The following ERC2 variants were observed in gnomAD, a reference collection of about 807,000 sequenced individuals.
ERC2 encodes ERC protein 2.
A neutral mutation model predicts 114.8 loss-of-function variants in ERC2; 42 were observed. That is an observed-to-expected ratio of 0.37 (90% confidence interval 0.29 to 0.47). ERC2 has a LOEUF of 0.47. Ranked by LOEUF, ERC2 falls within the 20% of genes least tolerant of loss-of-function variation. ERC2 has a pLI of 0.99. For missense variants in ERC2, 939 were observed against 1,150.7 expected (o/e 0.82, Z 2.66); for synonymous variants, 454 against 425.5 (o/e 1.07, Z -0.82).
At chr3:55,932,639 G>T (rs530940533) in intron 13 of ERC2, among the ~76,000 whole-genome samples, 2 of 152,062 alleles carry the variant, frequency 1.3e-5, no homozygotes, top group South Asian at 2.1e-4. Flanking sequence ...TTCCTTTCTG[G>T]TACCCCTTAA....
At chr3:56,406,627 T>C (rs1023869645) in intron 2 of ERC2, among the ~76,000 whole-genome samples, 11 of 152,192 alleles carry the variant, frequency 7.2e-5, no homozygotes, top group African/African-American at 2.7e-4. Flanking sequence ...CATTTTACAC[T>C]GAGTCTTGCA....
At chr3:56,429,006 T>C (rs1227626161) in intron 2 of ERC2, among the ~76,000 whole-genome samples, 1 of 152,176 alleles carries the variant, frequency 6.6e-6, no homozygotes, top group African/African-American at 2.4e-5. Flanking sequence ...GTGTACCTAA[T>C]TTGGAAGAAA....
chr3:56,164,266 C>G, intron 4 of ERC2, among the ~76,000 whole-genome samples: 1 of 151,924 alleles, frequency 6.6e-6, no homozygotes, highest in East Asian at 1.9e-4. Flanking sequence ...TCCTCCTTCC[C>G]CCTAGCTCCT....
chr3:56,129,157 G>T (rs926780697), intron 6 of ERC2, among the ~76,000 whole-genome samples: 1 of 152,114 alleles, frequency 6.6e-6, no homozygotes, highest in South Asian at 2.1e-4. Context: ...TGTCTGCATG[G>T]AATAAATATC....
chr3:56,033,026 G>GA (rs1560058110), intron 7 of ERC2, among the ~76,000 whole-genome samples: 54 of 47,650 alleles, frequency 1.1e-3, no homozygotes, highest in Middle Eastern at 9.6e-3. Context: ...AAAGAAAAAA[G>GA]AAACAGAAAG....
chr3:55,572,051 C>T (rs930598540), intron 17 of ERC2, among the ~76,000 whole-genome samples: 5 of 152,226 alleles, frequency 3.3e-5, no homozygotes, highest in African/African-American at 1.2e-4. Context: ...GTCTGTGCAG[C>T]CCAGGAAGGC....
At chr3:56,085,298 G>A (rs2077445993) in intron 6 of ERC2, among the ~76,000 whole-genome samples, 1 of 152,214 alleles carries the variant, frequency 6.6e-6, no homozygotes, top group Admixed American at 6.5e-5. Flanking sequence ...CTGCTCCAGT[G>A]AGAAGGATGA....
chr3:55,874,894 G>A (rs1559799275), intron 14 of ERC2, among the ~76,000 whole-genome samples: 1 of 152,154 alleles, frequency 6.6e-6, no homozygotes, highest in Non-Finnish European at 1.5e-5. Flanking sequence ...CTACAGTCAT[G>A]GAGAGAAGCT....
At chr3:56,251,529 T>C (rs1348647259) in intron 3 of ERC2, among the ~76,000 whole-genome samples, 1 of 152,162 alleles carries the variant, frequency 6.6e-6, no homozygotes, top group Non-Finnish European at 1.5e-5. Context: ...ATAAATCTCA[T>C]TCAAGGCTGC....
rs951566856 is a variant in ERC2, at chr3:55,510,494, T to A, written c.*822A>T. The A allele has an allele frequency of 6.6e-6, 1 of 152,608 alleles. No homozygotes were observed. The highest frequency in any genetic ancestry group is 1.5e-5 in the Non-Finnish European group (1 of 68,034). The allele number at this position is 152,608 out of a possible 1,614,324, so 9.5% of individuals were successfully genotyped here. On this transcript the variant is annotated 3_prime_UTR_variant, in exon 18 of 18. Coordinates refer to ENST00000288221, the MANE Select transcript of ERC2 (RefSeq NM_015576.3). ...GCCTCAGACTTTTGCCACTCTCCAGTACATGACTGGGTAGATAAAATTATG... is the reference window on the plus strand; with the variant it reads ...GCCTCAGACTTTTGCCACTCTCCAGAACATGACTGGGTAGATAAAATTATG...
intron 15 of ERC2, among the ~76,000 whole-genome samples, chr3:55,722,720 C>T (rs1421450179): frequency 6.6e-6 from 1 of 152,056 alleles, no homozygotes; most frequent in African/African-American, 2.4e-5. Context: ...CTTTCCATGC[C>T]CACCTAAGTT....
intron 16 of ERC2, among the ~76,000 whole-genome samples, chr3:55,690,101 C>A (rs2062561271): frequency 1.3e-5 from 2 of 152,114 alleles, no homozygotes; most frequent in South Asian, 4.2e-4. Context: ...CTGGGCTGTT[C>A]AAAATTGACA....
In ERC2 at chr3:55,676,539, T is replaced by G. The variant is rs754218507; in HGVS notation, c.*39+7255A>C. 1.1e-4 allele frequency among the ~76,000 whole-genome samples: 17 copies of G among 152,032 alleles called. No individual in the cohort carries two copies. In the Middle Eastern group the frequency reaches 0.014, roughly 122 times the overall value. On this transcript the variant is annotated intron_variant, in intron 17 of 17. Transcript: ENST00000288221. ...TGGTATCTGTGTCTCAGATTAATTT[T>G]CACCAGATGTGAGTGTCTGGACTTC...
At chr3:55,656,341 G>T (rs1323716767) in intron 17 of ERC2, among the ~76,000 whole-genome samples, 10 of 151,858 alleles carry the variant, frequency 6.6e-5, no homozygotes, top group African/African-American at 2.2e-4. Flanking sequence ...ATTTTTTGTA[G>T]AGCTGGGAGT....
chr3:56,455,430 T>C (rs2063020954), intron 1 of ERC2, among the ~76,000 whole-genome samples: 1 of 152,148 alleles, frequency 6.6e-6, no homozygotes, highest in Non-Finnish European at 1.5e-5. Flanking sequence ...CACCATCTAT[T>C]GGCTGCCTTC....
chr3:55,664,081 A>C (rs55801203), intron 17 of ERC2, among the ~76,000 whole-genome samples: 3,522 of 152,294 alleles, frequency 0.023, 51 homozygotes, highest in South Asian at 0.042. Context: ...CAGCATTAAC[A>C]TTGCCTGGGA....
intron 14 of ERC2, among the ~76,000 whole-genome samples, chr3:55,750,611 A>C (rs1559595966): frequency 6.6e-6 from 1 of 152,194 alleles, no homozygotes; most frequent in Non-Finnish European, 1.5e-5. Context: ...CTGGAAGGAA[A>C]AGAGTGGCTT....
At chr3:55,727,932 C>A (rs75214368) in intron 15 of ERC2, among the ~76,000 whole-genome samples, 2 of 152,112 alleles carry the variant, frequency 1.3e-5, no homozygotes, top group African/African-American at 4.8e-5. Flanking sequence ...GGGCGTGGTG[C>A]CATTTTGTGG....
At chr3:56,245,238 C>T (rs1261371982) in intron 3 of ERC2, among the ~76,000 whole-genome samples, 1 of 151,420 alleles carries the variant, frequency 6.6e-6, no homozygotes, top group East Asian at 1.9e-4. Flanking sequence ...CACTAAGGAT[C>T]ATTGTAACAC....
Sources: allele counts gnomAD v4.1 joint callset (sites outside exome capture counted in the v4.1 genomes callset), GRCh38; gene constraint gnomAD v4.1.1; transcripts MANE v1.5; gene names NCBI Gene and HGNC (gene_info 2026-07-23, HGNC 2026-07-21).